Variants in SGCZ observed in about 807,000 individuals in gnomAD.
SGCZ encodes sarcoglycan zeta.
A neutral mutation model predicts 41.3 loss-of-function variants in SGCZ; 40 were observed. The ratio of observed to expected loss-of-function variants is 0.97; its 90% CI spans 0.75 to 1.26. The LOEUF is 1.26. Ranked by LOEUF, SGCZ falls within the 50% of genes most tolerant of loss-of-function variation. The probability of loss-of-function intolerance (pLI) is 0.00; values close to 1 mark genes in which losing one functional copy is unlikely to be tolerated. For missense variants in SGCZ, 552 were observed against 369.8 expected (o/e 1.49, Z -4.04); for synonymous variants, 206 against 137.5 (o/e 1.50, Z -3.49).
At chr8:14,625,570 T>C (rs1806427416) in intron 1 of SGCZ, among the ~76,000 whole-genome samples, 1 of 151,992 alleles carries the variant, frequency 6.6e-6, no homozygotes, top group Non-Finnish European at 1.5e-5. Flanking sequence ...ATTTCAAAAG[T>C]AGTGTTTTGT....
intron 1 of SGCZ, among the ~76,000 whole-genome samples, chr8:15,120,950 G>T (rs1807455611): frequency 6.6e-6 from 1 of 152,104 alleles, no homozygotes; most frequent in African/African-American, 2.4e-5. Flanking sequence ...CTAATCAAAA[G>T]CATCAACGCC....
chr8:14,830,001 C>G (rs1392736871), intron 1 of SGCZ, among the ~76,000 whole-genome samples: 1 of 152,040 alleles, frequency 6.6e-6, no homozygotes, highest in African/African-American at 2.4e-5. Flanking sequence ...TTAGTAGAGA[C>G]GGGGTTTTCA....
At chr8:15,218,395 C>T (rs1043725876) in intron 1 of SGCZ, among the ~76,000 whole-genome samples, 3 of 152,156 alleles carry the variant, frequency 2.0e-5, no homozygotes, top group Admixed American at 6.5e-5. Flanking sequence ...GCATGCAGAA[C>T]ACATCCCAAT....
chr8:14,595,485 A>G (rs2117297161), intron 1 of SGCZ, among the ~76,000 whole-genome samples: 1 of 152,124 alleles, frequency 6.6e-6, no homozygotes, highest in Non-Finnish European at 1.5e-5. Flanking sequence ...GAACGGATTC[A>G]TAGGCAGAAC....
At chr8:14,285,566 GTGT>G (rs1216919249) in intron 3 of SGCZ, among the ~76,000 whole-genome samples, 3 of 116,962 alleles carry the variant, frequency 2.6e-5, no homozygotes, top group African/African-American at 9.5e-5. Flanking sequence ...CCTATCTAAA[GTGT>G]TGATTTTTAT....
intron 1 of SGCZ, among the ~76,000 whole-genome samples, chr8:15,004,790 T>A (rs1802542396): frequency 6.6e-6 from 1 of 152,152 alleles, no homozygotes; most frequent in South Asian, 2.1e-4. Context: ...TAGTAAATTG[T>A]AAAGAGAGAC....
chr8:15,018,959 G>T, intron 1 of SGCZ, among the ~76,000 whole-genome samples: 1 of 152,286 alleles, frequency 6.6e-6, no homozygotes, highest in Middle Eastern at 3.4e-3. Context: ...AGAGGAAGAA[G>T]GGATGTCTTA....
chr8:14,665,412 T>C (rs1198382700), intron 1 of SGCZ, among the ~76,000 whole-genome samples: 1 of 152,224 alleles, frequency 6.6e-6, no homozygotes, highest in African/African-American at 2.4e-5. Context: ...CAGTCTATCA[T>C]TGTTGGACAT....
chr8:14,456,372 C>A (rs1800745536), intron 2 of SGCZ, among the ~76,000 whole-genome samples: 1 of 152,132 alleles, frequency 6.6e-6, no homozygotes, highest in African/African-American at 2.4e-5. Flanking sequence ...TGCACCATTG[C>A]ACTCCAGCCT....
chr8:14,922,649 A>G (rs1799625060), intron 1 of SGCZ, among the ~76,000 whole-genome samples: 1 of 152,176 alleles, frequency 6.6e-6, no homozygotes, highest in Admixed American at 6.6e-5. Flanking sequence ...ATGAATACAA[A>G]AACACTTACA....
intron 2 of SGCZ, among the ~76,000 whole-genome samples, chr8:14,522,556 G>A (rs1305799741): frequency 6.6e-6 from 1 of 151,772 alleles, no homozygotes. Context: ...TGTCTGCAGA[G>A]CCCAGGGTGA....
At chr8:15,067,778 A>G (rs969659935) in intron 1 of SGCZ, among the ~76,000 whole-genome samples, 1 of 152,188 alleles carries the variant, frequency 6.6e-6, no homozygotes, top group Non-Finnish European at 1.5e-5. Context: ...TGCAAGATAC[A>G]GAAATTAAAG....
At chr8:14,208,856 G>T (rs1315898827) in intron 4 of SGCZ, among the ~76,000 whole-genome samples, 1 of 152,094 alleles carries the variant, frequency 6.6e-6, no homozygotes, top group Non-Finnish European at 1.5e-5. Context: ...AAGAAATTAG[G>T]CAGATAGCGA....
chr8:14,220,376 T>C (rs2054430), intron 4 of SGCZ, among the ~76,000 whole-genome samples: 107,602 of 151,480 alleles, frequency 0.71, 38,837 homozygotes, highest in African/African-American at 0.83. Context: ...TTTATTTATA[T>C]ACACTTCAAA....
chr8:14,731,182 A>C (rs1161983094), intron 1 of SGCZ, among the ~76,000 whole-genome samples: 1 of 151,836 alleles, frequency 6.6e-6, no homozygotes, highest in Non-Finnish European at 1.5e-5. Context: ...TGGCACATAT[A>C]CACCATGGAA....
chr8:15,056,229 T>C (rs536413485), intron 1 of SGCZ, among the ~76,000 whole-genome samples: 15 of 152,364 alleles, frequency 9.8e-5, no homozygotes, highest in Middle Eastern at 3.4e-3. Flanking sequence ...AAGTATCCTT[T>C]GGAGCTTTCA....
At chr8:15,094,483 C>T (rs147632199) in intron 1 of SGCZ, among the ~76,000 whole-genome samples, 147 of 152,164 alleles carry the variant, frequency 9.7e-4, no homozygotes, top group African/African-American at 3.1e-3. Context: ...ACATATGAGC[C>T]GGGAATTCAG....
At chr8:14,592,050 T>A (rs1292972694) in intron 1 of SGCZ, among the ~76,000 whole-genome samples, 1 of 152,206 alleles carries the variant, frequency 6.6e-6, no homozygotes, top group Non-Finnish European at 1.5e-5. Flanking sequence ...TGTGTCATTA[T>A]ATCATCTCCC....
chr8:14,543,102 G>A (rs528583732), intron 2 of SGCZ, among the ~76,000 whole-genome samples: 11 of 151,614 alleles, frequency 7.3e-5, no homozygotes, highest in Non-Finnish European at 1.5e-4. Context: ...AGGAACATTG[G>A]CACCATTATA....
Sources: gnomAD v4.1 joint callset for allele counts (sites outside exome capture counted in the v4.1 genomes callset) on GRCh38, gnomAD v4.1.1 for gene constraint, MANE v1.5 for transcripts, NCBI Gene and HGNC (gene_info 2026-07-23, HGNC 2026-07-21) for gene names.